IRS1: variants seen among roughly 807,000 people sequenced by gnomAD.
The protein encoded by IRS1 is insulin receptor substrate 1.
Under a neutral mutation model 65.6 loss-of-function variants are expected in IRS1, and 34 were observed. The ratio of observed to expected loss-of-function variants is 0.52; its 90% confidence interval spans 0.39 to 0.69. The LOEUF (loss-of-function observed/expected upper bound fraction) is 0.69. Among genes scored for constraint, IRS1 ranks in the 30% least tolerant of loss-of-function variants. IRS1 has a pLI of 0.00. For synonymous variants in IRS1, 699 were observed against 683.5 expected (o/e 1.02, Z -0.35); for missense variants, 1,641 against 1,720.2 (o/e 0.95, Z 0.81).
Position 226,732,022 on chromosome 2 carries a change from T to C in IRS1, c.*4250A>G, listed in dbSNP as rs1024307536. On this transcript the variant is annotated 3_prime_UTR_variant, in exon 2 of 2. Coordinates refer to ENST00000305123, the MANE Select transcript of IRS1 (RefSeq NM_005544.3). Reference sequence around the variant, plus strand: ...TGTATACGTCACAAATGGCAAGTCATACACAAACTAGAAAAGAAAGCTAAC... The same window carrying C: ...TGTATACGTCACAAATGGCAAGTCACACACAAACTAGAAAAGAAAGCTAAC... The C allele has an allele frequency of 6.6e-6, 1 of 152,180 alleles. No homozygotes were observed. 9.4% of individuals were successfully genotyped at this position (152,180 alleles called of 1,614,324 possible).
chr2:226,771,558 A>G (rs1293362219), intron 1 of IRS1, among the ~76,000 whole-genome samples: 1 of 152,162 alleles, frequency 6.6e-6, no homozygotes, highest in African/African-American at 2.4e-5. Flanking sequence ...TCCTTACAGC[A>G]TGGATTATGT....
At chr2:226,786,894 G>T (rs1440123712) in intron 1 of IRS1, among the ~76,000 whole-genome samples, 1 of 151,006 alleles carries the variant, frequency 6.6e-6, no homozygotes, top group Non-Finnish European at 1.5e-5. Flanking sequence ...AATCTCAAAA[G>T]CAATTATACT....
At chr2:226,743,145 G>A (rs1938472498) in intron 1 of IRS1, among the ~76,000 whole-genome samples, 1 of 150,886 alleles carries the variant, frequency 6.6e-6, no homozygotes, top group African/African-American at 2.4e-5. Context: ...ACAGATTCAA[G>A]GTAAAAGGAC....
At position 226,775,761 on chromosome 2, in the gene IRS1, G is replaced by T. The variant is rs188199872; in HGVS notation, c.*21+19228C>A. 9.9e-5 allele frequency among the ~76,000 whole-genome samples: 15 copies of T among 152,234 alleles called. No homozygotes were observed. In the South Asian group the frequency reaches 1.0e-3, roughly 11 times the overall value. On this transcript the variant is annotated intron_variant, in intron 1 of 1. Transcript: ENST00000305123. ...ATGCTCAAGTCCTTTGTATAAAATG[G>T]TGTAGTGTTTGCATATAACCTATGC...
chr2:226,733,772 T>C lies in IRS1; in HGVS notation c.*2500A>G, dbSNP rs747587505. The C allele has an allele frequency of 2.6e-5, 4 of 152,206 alleles. No individual in the cohort carries two copies. Among genetic ancestry groups the C allele is most frequent in the Non-Finnish European group, 4.4e-5 (3 of 68,040 alleles). 9.4% of individuals were successfully genotyped at this position (152,206 alleles called of 1,614,324 possible). On this transcript the variant is annotated 3_prime_UTR_variant, in exon 2 of 2. Transcript: ENST00000305123. ...CTTCGTGTCGCCAGAGTATGAACTT[T>C]TGGTTTGAGTACCAGCAACTTCCAG...
intron 1 of IRS1, among the ~76,000 whole-genome samples, chr2:226,745,285 T>C (rs1938516876): frequency 6.6e-6 from 1 of 152,300 alleles, no homozygotes; most frequent in South Asian, 2.1e-4. Context: ...ATGCAATAAA[T>C]GTGTGTTTCC....
rs1471602976 is a variant in IRS1, at chr2:226,797,052, C to T, written c.1687G>A (p.Gly563Ser). ...EMMPAYPPGG[G>S]SGGRLPGHRH... ...TGTCCCGGCAGTCGGCCTCCACTGC[C>T]ACCTCCTGGTGGGTAGGCAGGCATC... is the stretch of plus-strand genomic sequence containing the variant. The change falls in exon 1 of 2, where the codon GGC (glycine) becomes AGC (serine). Residue 563 changes from glycine (G) to serine (S), a missense_variant. By Grantham distance (56) the Gly-to-Ser change is moderately conservative. Around this residue, in one of 3 missense-constraint regions of IRS1, gnomAD observed 1,324 missense variants for 1,361.0 expected, o/e 0.97. Transcript: ENST00000305123. This position sits in a 1 kb window ranked among gnomAD's most constrained non-coding sequence, Gnocchi z 8.1. The T allele has an allele frequency of 2.9e-5, 47 of 1,610,312 alleles. No individual in the cohort carries two copies. The highest frequency in any genetic ancestry group is 3.9e-5 in the Non-Finnish European group (46 of 1,177,666).
intron 1 of IRS1, among the ~76,000 whole-genome samples, chr2:226,741,786 AACACACACACACACACACACAC>A (rs145806509): frequency 6.5e-5 from 9 of 138,460 alleles, no homozygotes; most frequent in African/African-American, 1.9e-4. Context: ...GAGCCCAGTA[AACACACACACACACACACACAC>A]ACACACACAC....
At position 226,732,504 on chromosome 2, in the gene IRS1, A is replaced by G. The variant is rs1938241954; in HGVS notation, c.*3768T>C. On this transcript the variant is annotated 3_prime_UTR_variant, in exon 2 of 2. Transcript: ENST00000305123. ...TATATATATATATACACACACACAC[A>G]TATGTGTATCTATATATGTGTGTAT... 6.7e-6 allele frequency: 1 copy of G among 148,706 alleles called. No homozygotes were observed. The highest frequency in any genetic ancestry group is 2.5e-5 in the African/African-American group (1 of 40,604). The allele number at this position is 148,706 out of a possible 1,614,324, so 9.2% of individuals were successfully genotyped here. A position where few individuals can be genotyped will look rare whatever the true frequency, so the allele number is the denominator to read the frequency against.
chr2:226,772,572 G>A (rs1333196203), intron 1 of IRS1, among the ~76,000 whole-genome samples: 5 of 151,514 alleles, frequency 3.3e-5, no homozygotes, highest in East Asian at 1.9e-4. Flanking sequence ...CGTATAATTT[G>A]TCTCTTAGCC....
chr2:226,775,317 A>G (rs1299166762), intron 1 of IRS1, among the ~76,000 whole-genome samples: 1 of 152,242 alleles, frequency 6.6e-6, no homozygotes, highest in Non-Finnish European at 1.5e-5. Flanking sequence ...ATGGGGCTAG[A>G]GTTAACAATC....
intron 1 of IRS1, among the ~76,000 whole-genome samples, chr2:226,754,339 C>T (rs1938751092): frequency 6.6e-6 from 1 of 152,132 alleles, no homozygotes; most frequent in Non-Finnish European, 1.5e-5. Context: ...GGTTAGTAAA[C>T]TAACCCAACC....
Position 226,734,888 on chromosome 2 carries a change from G to A in IRS1, c.*1384C>T, listed in dbSNP as rs555993657. ...CAGTAGCAGGTCATTAAGCTTTTCT[G>A]TGCTCTCTGTACGCTGTGTTTTGTT... On this transcript the variant is annotated 3_prime_UTR_variant, in exon 2 of 2. Transcript: ENST00000305123. 1 of 152,230 alleles carries A rather than the reference G, an allele frequency of 6.6e-6. No individual in the cohort carries two copies. The highest frequency in any genetic ancestry group is 1.9e-4 in the East Asian group (1 of 5,184). The allele number at this position is 152,230 out of a possible 1,614,324, so 9.4% of individuals were successfully genotyped here. A position where few individuals can be genotyped will look rare whatever the true frequency, so the allele number is the denominator to read the frequency against.
chr2:226,746,351 C>T (rs561123353), intron 1 of IRS1, among the ~76,000 whole-genome samples: 2 of 152,244 alleles, frequency 1.3e-5, no homozygotes, highest in Admixed American at 1.3e-4. Flanking sequence ...CCCAATCTCT[C>T]ATCTGAAGGA....
rs773580430 is a variant in IRS1 at position 226,796,256 on chromosome 2, C to T, written c.2483G>A (p.Ser828Asn). The T allele has an allele frequency of 1.9e-6, 3 of 1,613,470 alleles. No individual in the cohort carries two copies. The highest frequency in any genetic ancestry group is 3.3e-4 in the Middle Eastern group (2 of 6,060). Reference protein sequence around the residue: ...GGYCGARLEPSLPHPHHQVLQ... With the variant: ...GGYCGARLEPNLPHPHHQVLQ... The stretch of plus-strand genomic sequence containing the variant: ...AACCTGATGGTGGGGATGTGGAAGG[C>T]TGGGCTCCAGCCTAGCCCCGCAGTA... The change falls in exon 1 of 2, where the codon AGC becomes AAC. Residue 828 changes from serine (S) to asparagine (N), a missense_variant. Physicochemically the swap from Ser to Asn is conservative, Grantham distance 46. Around this residue, in one of 3 missense-constraint regions of IRS1, gnomAD observed 1,324 missense variants for 1,361.0 expected, o/e 0.97. Coordinates refer to ENST00000305123, the MANE Select transcript of IRS1 (RefSeq NM_005544.3).
intron 1 of IRS1, among the ~76,000 whole-genome samples, chr2:226,793,491 G>A (rs1469432696): frequency 2.0e-5 from 3 of 152,134 alleles, no homozygotes; most frequent in African/African-American, 7.2e-5. Context: ...TCAAATAAAT[G>A]CTTTTTGTAA....
intron 1 of IRS1, among the ~76,000 whole-genome samples, chr2:226,742,333 AT>A (rs927894440): frequency 1.5e-4 from 23 of 152,338 alleles, no homozygotes; most frequent in African/African-American, 5.5e-4. Flanking sequence ...TGCTACTTGG[AT>A]GTTGAAAGGA....
At chr2:226,758,784 G>A (rs1559150277) in intron 1 of IRS1, among the ~76,000 whole-genome samples, 1 of 152,062 alleles carries the variant, frequency 6.6e-6, no homozygotes, top group African/African-American at 2.4e-5. Context: ...GAGGTTAAAT[G>A]ATTGGATGCT....
chr2:226,750,249 CAAA>C (rs75785691), intron 1 of IRS1, among the ~76,000 whole-genome samples: 3 of 59,982 alleles, frequency 5.0e-5, no homozygotes. Context: ...AACTCTGTCT[CAAA>C]AAAAAAAAAA....
Sources: gnomAD v4.1 joint callset for allele counts (sites outside exome capture counted in the v4.1 genomes callset) on GRCh38, gnomAD v4.1.1 for gene constraint, gnomAD v4.1.1 regional missense constraint, Gnocchi (gnomAD v3.1) non-coding constraint, MANE v1.5 for transcripts, NCBI Gene and HGNC (gene_info 2026-07-23, HGNC 2026-07-21) for gene names.